FAM167A: variants seen among roughly 807,000 people sequenced by gnomAD.
FAM167A encodes protein FAM167A.
A neutral mutation model predicts 14.9 loss-of-function variants in FAM167A; 23 were observed. The observed-to-expected ratio is 1.55, with a 90% CI of 1.11 to 2.19. The LOEUF (loss-of-function observed/expected upper bound fraction) is 2.19. Ranked by LOEUF, FAM167A falls within the 30% of genes most tolerant of loss-of-function variation. The probability of loss-of-function intolerance (pLI) is 0.00; values close to 1 mark genes in which losing one functional copy is unlikely to be tolerated. For synonymous variants in FAM167A, 174 were observed against 117.7 expected, an observed-to-expected ratio of 1.48 and a Z score of -3.10; for missense variants, 401 against 281.5, an observed-to-expected ratio of 1.42 and a Z score of -3.04.
At chr8:11,468,253 C>T (rs537223323), upstream of FAM167A, among the ~76,000 whole-genome samples, 110 of 152,354 alleles carry the variant, frequency 7.2e-4, no homozygotes, top group Non-Finnish European at 1.3e-3. Context: ...GCTAGCTTGG[C>T]TGCAGGGGCC....
intron 2 of FAM167A, among the ~76,000 whole-genome samples, chr8:11,441,291 C>T (rs953923911): frequency 6.6e-6 from 1 of 152,212 alleles, no homozygotes. Context: ...CCCTGTTGGT[C>T]CCCTGGCCCT....
At chr8:11,431,533 A>G (rs528849358) in intron 2 of FAM167A, among the ~76,000 whole-genome samples, 2 of 152,362 alleles carry the variant, frequency 1.3e-5, no homozygotes, top group Non-Finnish European at 2.9e-5. Context: ...TTTATATTAT[A>G]CATATTTTAC....
chr8:11,463,583 C>G (rs1282552797), intron 1 of FAM167A, among the ~76,000 whole-genome samples: 2 of 152,220 alleles, frequency 1.3e-5, no homozygotes, highest in African/African-American at 4.8e-5. Context: ...TCTTTCCATA[C>G]CTGCCACTGG....
At position 11,421,986 on chromosome 8, in the gene FAM167A, G is replaced by T; in HGVS notation, c.*2387C>A. 2.5e-6 allele frequency: 1 copy of T among 396,498 alleles called. No individual in the cohort carries two copies. The highest frequency in any genetic ancestry group is 4.4e-5 in the Admixed American group (1 of 22,690). The allele number at this position is 396,498 out of a possible 1,614,324, so 24.6% of individuals were successfully genotyped here. A position where few individuals can be genotyped will look rare whatever the true frequency, so the allele number is the denominator to read the frequency against. On this transcript the variant is annotated 3_prime_UTR_variant, in exon 3 of 3. Coordinates refer to ENST00000284486, the MANE Select transcript of FAM167A (RefSeq NM_053279.3). ...TGGACGATGTTTAGAAAACATCGCT[G>T]TCCCCCTCCACTTCTCATCTTGGGT...
intron 2 of FAM167A, chr8:11,433,993 A>C (rs546003166): frequency 6.6e-6 from 1 of 152,318 alleles, no homozygotes; most frequent in Non-Finnish European, 1.5e-5. Flanking sequence ...GTATTACATG[A>C]TCTTGGGTTT....
chr8:11,445,292 T>C, intron 1 of FAM167A: 1 of 985,794 alleles, frequency 1.0e-6, no homozygotes, highest in Non-Finnish European at 1.2e-6. Context: ...AAGGTGGGTC[T>C]GCTCCGTCCA....
chr8:11,427,403 C>T (rs568196419), intron 2 of FAM167A, among the ~76,000 whole-genome samples: 10 of 152,276 alleles, frequency 6.6e-5, no homozygotes, highest in African/African-American at 1.4e-4. Flanking sequence ...CTACTTGACT[C>T]GAGATCTGAA....
At chr8:11,446,580 G>A (rs957349004) in intron 1 of FAM167A, 4 of 152,184 alleles carry the variant, frequency 2.6e-5, no homozygotes, top group Non-Finnish European at 5.9e-5. Flanking sequence ...AGATGGCCTA[G>A]CTCTACGTCT....
chr8:11,448,903 A>G (rs1366978565), intron 1 of FAM167A, among the ~76,000 whole-genome samples: 4 of 152,212 alleles, frequency 2.6e-5, no homozygotes, highest in African/African-American at 9.6e-5. Context: ...AATCTGTGCA[A>G]TGGCTGAGGA....
At chr8:11,428,708 C>T (rs1805357342) in intron 2 of FAM167A, among the ~76,000 whole-genome samples, 1 of 152,242 alleles carries the variant, frequency 6.6e-6, no homozygotes, top group African/African-American at 2.4e-5. Flanking sequence ...ATCTCCTGCC[C>T]CAAAGAACAG....
chr8:11,466,304 G>A (rs1807763195), intron 1 of FAM167A, among the ~76,000 whole-genome samples: 2 of 152,208 alleles, frequency 1.3e-5, no homozygotes, highest in Admixed American at 6.5e-5. Flanking sequence ...GCTGAGTGCG[G>A]CCCTCCCTCT....
At chr8:11,450,917 C>T (rs1337435858) in intron 1 of FAM167A, among the ~76,000 whole-genome samples, 1 of 152,198 alleles carries the variant, frequency 6.6e-6, no homozygotes, top group Non-Finnish European at 1.5e-5. Context: ...GGGACAAAGA[C>T]AGGAACAGCT....
At chr8:11,439,847 G>A (rs1032072248) in intron 2 of FAM167A, among the ~76,000 whole-genome samples, 1 of 152,174 alleles carries the variant, frequency 6.6e-6, no homozygotes. Context: ...AGAGAAAACA[G>A]AAAGGAGGGT....
chr8:11,444,310 G>C lies in FAM167A; in HGVS notation c.102C>G (p.Thr34=), dbSNP rs769370993. Residue 34 remains threonine, a synonymous_variant, in exon 2 of 3, where the codon ACC becomes ACG. Coordinates refer to ENST00000284486, the MANE Select transcript of FAM167A (RefSeq NM_053279.3). ...TGCGGGTCTCCAGCCTCAGTTTCTC[G>C]GTGAGGGCCTTCAGGCTCCGGAGGT... ...DDHLRSLKAL[T]EKLRLETRRP... The C allele has an allele frequency of 1.2e-6, 2 of 1,612,306 alleles. No individual in the cohort carries two copies. The highest frequency in any genetic ancestry group is 1.7e-6 in the Non-Finnish European group (2 of 1,179,774).
chr8:11,426,667 G>GA (rs1449137640), intron 2 of FAM167A, among the ~76,000 whole-genome samples: 1 of 152,176 alleles, frequency 6.6e-6, no homozygotes, highest in Non-Finnish European at 1.5e-5. Flanking sequence ...GATACTGGGG[G>GA]AAGAGGAAGA....
In FAM167A at chr8:11,424,267, C is replaced by G; in HGVS notation, c.*106G>C. The G allele has an allele frequency of 6.7e-7, 1 of 1,491,124 alleles. No individual in the cohort carries two copies. Among genetic ancestry groups the G allele is most frequent in the Non-Finnish European group, 9.1e-7 (1 of 1,100,148 alleles). The allele number at this position is 1,491,124 out of a possible 1,614,324, so 92.4% of individuals were successfully genotyped here. A position where few individuals can be genotyped will look rare whatever the true frequency, so the allele number is the denominator to read the frequency against. ...GCCCTTGAGTCGCCAGTCCCAGGGA[C>G]CCCTGCCTCCGGGAGACCCACTGGA... is the stretch of plus-strand genomic sequence containing the variant. On this transcript the variant is annotated 3_prime_UTR_variant, in exon 3 of 3. Coordinates refer to ENST00000284486, the MANE Select transcript of FAM167A (RefSeq NM_053279.3).
chr8:11,456,392 T>TGTGA (rs1554530404), intron 1 of FAM167A, among the ~76,000 whole-genome samples: 12,283 of 119,946 alleles, frequency 0.1, 812 homozygotes, highest in African/African-American at 0.17. Flanking sequence ...GCCTGGTGTG[T>TGTGA]GTGTGAGTGT....
intron 1 of FAM167A, among the ~76,000 whole-genome samples, chr8:11,451,891 C>T (rs34281672): frequency 0.3 from 45,588 of 152,070 alleles, 7,509 homozygotes; most frequent in Middle Eastern, 0.44. Flanking sequence ...TGGTCTTTAC[C>T]TCCTGCCAAT....
chr8:11,475,645 C>T (rs1161300150), intron 1 of FAM167A, among the ~76,000 whole-genome samples: 1 of 152,194 alleles, frequency 6.6e-6, no homozygotes, highest in African/African-American at 2.4e-5. Context: ...CCCACACAAG[C>T]ACACCCATAC....
Sources: gnomAD v4.1 joint callset for allele counts (sites outside exome capture counted in the v4.1 genomes callset) on GRCh38, gnomAD v4.1.1 for gene constraint, MANE v1.5 for transcripts, NCBI Gene and HGNC (gene_info 2026-07-23, HGNC 2026-07-21) for gene names.